The following EYA4 variants were observed in gnomAD, a reference collection of about 807,000 sequenced individuals.
The protein encoded by EYA4 is EYA transcriptional coactivator and phosphatase 4, also known as protein phosphatase EYA4.
EYA4 carries 31 observed loss-of-function variants against 87.9 expected under a neutral mutation model. That is an observed-to-expected ratio of 0.35 (90% CI 0.27 to 0.48). The LOEUF is 0.48. EYA4 is among the 20% of genes least tolerant of loss of function. The pLI, the probability that EYA4 is intolerant of heterozygous loss-of-function variation, is 0.99. For missense variants in EYA4, 678 were observed against 761.4 expected (o/e 0.89, Z 1.29); for synonymous variants, 263 against 270.6 (o/e 0.97, Z 0.28).
intron 17 of EYA4, 97 bp from the exon 18 acceptor site, chr6:133,522,959 T>C: frequency 9.6e-7 from 1 of 1,039,060 alleles, no homozygotes; most frequent in East Asian, 2.5e-5. Flanking sequence ...AAAGGGACCA[T>C]TAATTAAGGA....
chr6:133,513,423 A>G (rs1799328760), intron 16 of EYA4, among the ~76,000 whole-genome samples: 1 of 152,236 alleles, frequency 6.6e-6, no homozygotes, highest in Non-Finnish European at 1.5e-5. Flanking sequence ...GACGGTGGTT[A>G]GCAAGCATTA....
chr6:133,245,112 A>C (rs1441051514), intron 1 of EYA4: 2 of 152,270 alleles, frequency 1.3e-5, no homozygotes, highest in East Asian at 1.9e-4. Flanking sequence ...ATGCAAGAAC[A>C]CTGGACATTC....
chr6:133,429,713 A>G (rs1435510048), intron 3 of EYA4, among the ~76,000 whole-genome samples: 5 of 152,210 alleles, frequency 3.3e-5, no homozygotes, highest in African/African-American at 1.2e-4. Context: ...CTGGGCTCTG[A>G]TGAAGGGGCT....
At chr6:133,435,771 C>T (rs2128596354) in intron 3 of EYA4, among the ~76,000 whole-genome samples, 1 of 152,206 alleles carries the variant, frequency 6.6e-6, no homozygotes, top group South Asian at 2.1e-4. Flanking sequence ...GATCAGGATG[C>T]TTTATTACTT....
intron 3 of EYA4, among the ~76,000 whole-genome samples, chr6:133,435,869 G>GCA (rs1191257288): frequency 2.6e-5 from 4 of 151,682 alleles, no homozygotes; most frequent in Non-Finnish European, 4.4e-5. Flanking sequence ...AAACATGTGT[G>GCA]CACACACACA....
intron 14 of EYA4, among the ~76,000 whole-genome samples, chr6:133,510,094 A>G (rs1799012613): frequency 6.6e-6 from 1 of 152,232 alleles, no homozygotes; most frequent in Admixed American, 6.5e-5. Flanking sequence ...TAAGTGTGAT[A>G]TACTGTTGTC....
intron 1 of EYA4, among the ~76,000 whole-genome samples, chr6:133,249,578 C>G (rs979013610): frequency 6.6e-6 from 1 of 152,246 alleles, no homozygotes; most frequent in African/African-American, 2.4e-5. Context: ...TCACTCCCCA[C>G]TCACAACAAC....
intron 2 of EYA4, among the ~76,000 whole-genome samples, chr6:133,301,518 A>C (rs1779404687): frequency 6.6e-6 from 1 of 152,216 alleles, no homozygotes; most frequent in African/African-American, 2.4e-5. Flanking sequence ...TGCACATATG[A>C]TATTAATAGC....
chr6:133,506,324 T>A, intron 14 of EYA4, 129 bp downstream of exon 14: 1 of 617,578 alleles, frequency 1.6e-6, no homozygotes, highest in South Asian at 1.9e-5. Flanking sequence ...AAAGTTCTTG[T>A]CAAGAGGAAA....
chr6:133,298,443 CTG>C (rs757432666), intron 2 of EYA4, among the ~76,000 whole-genome samples: 1 of 151,754 alleles, frequency 6.6e-6, no homozygotes. Context: ...ACAAGAAAAT[CTG>C]TGTGTGTGTG....
At chr6:133,276,800 C>A (rs1326706763) in intron 2 of EYA4, among the ~76,000 whole-genome samples, 1 of 151,712 alleles carries the variant, frequency 6.6e-6, no homozygotes, top group Non-Finnish European at 1.5e-5. Flanking sequence ...AGAGTTAGGA[C>A]TTCACACGGT....
chr6:133,447,597 T>C (rs573554543), intron 4 of EYA4, among the ~76,000 whole-genome samples: 1 of 152,314 alleles, frequency 6.6e-6, no homozygotes, highest in African/African-American at 2.4e-5. Flanking sequence ...AAATTTTAAA[T>C]AAATATCTGT....
intron 19 of EYA4, 125 bp downstream of exon 19, chr6:133,525,379 G>A: frequency 2.5e-6 from 2 of 799,062 alleles, no homozygotes; most frequent in African/African-American, 1.7e-5. Flanking sequence ...AGCAATAAGA[G>A]CATGAGAGGG....
chr6:133,358,960 C>T (rs751998450), intron 2 of EYA4, among the ~76,000 whole-genome samples: 5 of 152,032 alleles, frequency 3.3e-5, no homozygotes, highest in South Asian at 2.1e-4. Context: ...GAGAGCCAGC[C>T]GCCTTACAGA....
At chr6:133,311,239 A>G (rs557964058) in intron 2 of EYA4, among the ~76,000 whole-genome samples, 2 of 152,274 alleles carry the variant, frequency 1.3e-5, no homozygotes, top group East Asian at 3.9e-4. Flanking sequence ...TGCTTCTGGC[A>G]GTGTCCCTTC....
intron 2 of EYA4, among the ~76,000 whole-genome samples, chr6:133,280,134 T>C (rs1220192054): frequency 6.6e-6 from 1 of 152,188 alleles, no homozygotes; most frequent in Non-Finnish European, 1.5e-5. Flanking sequence ...GAACTTGACC[T>C]TTAAACTAGT....
At chr6:133,330,568 TACACACACACACACAC>T (rs57398314) in intron 2 of EYA4, among the ~76,000 whole-genome samples, 2 of 143,882 alleles carry the variant, frequency 1.4e-5, no homozygotes, top group African/African-American at 5.1e-5. Context: ...TATATATATA[TACACACACACACACAC>T]ACACACACAT....
intron 2 of EYA4, among the ~76,000 whole-genome samples, chr6:133,324,690 G>T (rs532187379): frequency 8.5e-5 from 13 of 152,146 alleles, no homozygotes; most frequent in African/African-American, 3.1e-4. Flanking sequence ...ATCCAGGCTG[G>T]TTCTCAGCAT....
In EYA4 at chr6:133,531,104, T is replaced by C. The variant is rs2128831228; in HGVS notation, c.*2299T>C. On this transcript the variant is annotated 3_prime_UTR_variant, in exon 20 of 20. Transcript: ENST00000355286. Reference sequence around the variant, plus strand: ...AAGGCTTTTTATGCTGCTAAGTCTGTGGGTGCAGAAAGAAACACCCCTTGG... The same window carrying C: ...AAGGCTTTTTATGCTGCTAAGTCTGCGGGTGCAGAAAGAAACACCCCTTGG... The C allele has an allele frequency of 6.7e-7, 1 of 1,487,734 alleles. No individual in the cohort carries two copies. The highest frequency in any genetic ancestry group is 8.9e-7 in the Non-Finnish European group (1 of 1,121,442). 92.2% of individuals were successfully genotyped at this position (1,487,734 alleles called of 1,614,324 possible). A position where few individuals can be genotyped will look rare whatever the true frequency, so the allele number is the denominator to read the frequency against.
Sources: allele counts gnomAD v4.1 joint callset (sites outside exome capture counted in the v4.1 genomes callset), GRCh38; gene constraint gnomAD v4.1.1; transcripts MANE v1.5; gene names NCBI Gene and HGNC (gene_info 2026-07-23, HGNC 2026-07-21).